The following SLC11A1 variants were observed in gnomAD, a reference collection of about 807,000 sequenced individuals.
SLC11A1 encodes solute carrier family 11 member 1, also known as natural resistance-associated macrophage protein 1.
A neutral mutation model predicts 63.2 loss-of-function variants in SLC11A1; 59 were observed. The observed-to-expected ratio is 0.93, with a 90% CI of 0.76 to 1.16. SLC11A1 has a LOEUF of 1.16. Ranked by LOEUF, SLC11A1 falls within the 50% of genes most tolerant of loss-of-function variation. The pLI is 0.00. For missense variants in SLC11A1, 688 were observed against 730.7 expected (o/e 0.94, Z 0.67); for synonymous variants, 305 against 307.8 (o/e 0.99, Z 0.09).
Position 218,387,970 on chromosome 2 carries a change from G to A in SLC11A1, c.795+15G>A, listed in dbSNP as rs1696205411. 6 of 1,584,420 alleles carry A rather than the reference G, an allele frequency of 3.8e-6. No individual in the cohort carries two copies. The highest frequency in any genetic ancestry group is 1.7e-4 in the Middle Eastern group (1 of 5,948). ...CCCTGGTCAAGGTGAGCAGAGGGGA[G>A]GGGAAAGGAGACCCCCTCACTCAGT... On this transcript the variant is annotated intron_variant, in intron 8 of 14. Coordinates refer to ENST00000233202, the MANE Select transcript of SLC11A1 (RefSeq NM_000578.4).
At chr2:218,392,123 G>A in intron 11 of SLC11A1, 1 of 394,450 alleles carries the variant, frequency 2.5e-6, no homozygotes, top group Non-Finnish European at 5.1e-6. Flanking sequence ...AGGCTGGAGT[G>A]CAATGGCGCG....
At chr2:218,394,459 G>T in intron 13 of SLC11A1, 173 bp from the exon 14 acceptor site, 1 of 763,562 alleles carries the variant, frequency 1.3e-6, no homozygotes, top group East Asian at 2.7e-5. Flanking sequence ...GTAGCCTGGA[G>T]GGCCCAGGAG....
In SLC11A1 at chr2:218,389,942, A is replaced by G; in HGVS notation, c.868A>G (p.Ile290Val). 1 of 1,614,120 alleles carries G rather than the reference A, an allele frequency of 6.2e-7. No homozygotes were observed. Among genetic ancestry groups the G allele is most frequent in the Non-Finnish European group, 8.5e-7 (1 of 1,180,018 alleles). Residue 290 changes from isoleucine (I) to valine (V), a missense_variant, in exon 9 of 15, where the codon ATC becomes GTC. Ile to Val is a conservative substitution (Grantham distance 29, BLOSUM62 3). Transcript: ENST00000233202. Reference protein sequence around the residue: ...ANMYFLIEATIALSVSFIINL... With the variant: ...ANMYFLIEATVALSVSFIINL... ...CATGTACTTCCTGATTGAGGCCACC[A>G]TCGCCCTGTCCGTCTCCTTTATCAT...
chr2:218,393,909 G>A (rs930128366), intron 12 of SLC11A1, among the ~76,000 whole-genome samples: 32 of 152,058 alleles, frequency 2.1e-4, no homozygotes, highest in African/African-American at 7.5e-4. Flanking sequence ...GATTCAAACC[G>A]AAGCAACCTG....
chr2:218,387,530 G>T (rs1247111239), intron 6 of SLC11A1, 35 bp from the exon 7 acceptor site: 6 of 1,606,914 alleles, frequency 3.7e-6, no homozygotes, highest in Middle Eastern at 1.7e-4. Context: ...GATTTTTTTC[G>T]TTGGTTTGTT....
intron 9 of SLC11A1, among the ~76,000 whole-genome samples, chr2:218,390,840 G>C (rs1335893044): frequency 2.0e-5 from 3 of 152,188 alleles, no homozygotes; most frequent in African/African-American, 7.2e-5. Flanking sequence ...GGGTTCTTAT[G>C]CCAGGCCTTC....
intron 14 of SLC11A1, 61 bp downstream of exon 14, chr2:218,394,846 G>A: frequency 1.2e-6 from 2 of 1,607,824 alleles, no homozygotes; most frequent in Non-Finnish European, 1.7e-6. Context: ...GGCAACCAAT[G>A]GGGAGGGTTT....
At chr2:218,387,978 G>C (rs1360519627) in intron 8 of SLC11A1, 23 bp downstream of exon 8, 1 of 1,576,766 alleles carries the variant, frequency 6.3e-7, no homozygotes, top group South Asian at 1.2e-5. Flanking sequence ...GAGGGGAAAG[G>C]AGACCCCCTC....
chr2:218,394,684 CTCT>C lies in SLC11A1; in HGVS notation c.1442_1444del (p.Leu481_Tyr482delinsHis). 6.2e-7 allele frequency: 1 copy of C among 1,614,100 alleles called. No homozygotes were observed. The highest frequency in any genetic ancestry group is 8.5e-7 in the Non-Finnish European group (1 of 1,180,024). ...CATGGTGCTAGTCTGCGCCATCAAC[CTCT>C]ACTTCGTGGTCAGCTATCTGCCCAG... On this transcript the variant is annotated inframe_deletion, in exon 14 of 15. Coordinates refer to ENST00000233202, the MANE Select transcript of SLC11A1 (RefSeq NM_000578.4).
intron 8 of SLC11A1, among the ~76,000 whole-genome samples, chr2:218,388,574 G>A (rs545915019): frequency 1.3e-5 from 2 of 151,536 alleles, no homozygotes; most frequent in Non-Finnish European, 2.9e-5. Context: ...CGGGCGGGCG[G>A]ATCACGAGGT....
At chr2:218,383,359 AG>A (rs988725939) in intron 2 of SLC11A1, 64 of 492,410 alleles carry the variant, frequency 1.3e-4, no homozygotes, top group Admixed American at 5.1e-4. Context: ...AAAGAGGCCC[AG>A]GGGGAATTGG....
intron 1 of SLC11A1, among the ~76,000 whole-genome samples, chr2:218,382,599 T>C (rs1007534936): frequency 6.6e-6 from 1 of 152,192 alleles, no homozygotes; most frequent in Non-Finnish European, 1.5e-5. Context: ...TTGTCTGAAG[T>C]CCGTGGATCA....
At position 218,396,159 on chromosome 2, in the gene SLC11A1, G is replaced by T. The variant is rs961480972; in HGVS notation, c.*1124G>T. The T allele has an allele frequency of 7.4e-6, 1 of 135,474 alleles. No individual in the cohort carries two copies. Among genetic ancestry groups the T allele is most frequent in the African/African-American group, 2.8e-5 (1 of 35,266 alleles). 8.4% of individuals were successfully genotyped at this position (135,474 alleles called of 1,614,324 possible). ...CTCCCCGCCAGGCGGAACGACGCGG[G>T]GAGGCGGGCGCTCGGGGCTCGCGCC... is the stretch of plus-strand genomic sequence containing the variant. On this transcript the variant is annotated 3_prime_UTR_variant, in exon 15 of 15. Transcript: ENST00000233202.
rs778752059 is a variant in SLC11A1, at chr2:218,393,091, G to C, written c.1275G>C (p.Ser425=). 1.3e-6 allele frequency: 2 copies of C among 1,594,766 alleles called. No homozygotes were observed. The highest frequency in any genetic ancestry group is 8.5e-7 in the Non-Finnish European group (1 of 1,175,400). Residue 425 remains serine (S), a synonymous_variant, in exon 12 of 15, where the codon TCG becomes TCC. Coordinates refer to ENST00000233202, the MANE Select transcript of SLC11A1 (RefSeq NM_000578.4). ...TCTTCCGGGACCTGAGGGACTTGTCGGGCCTCAATGATCTGCTCAACGTGC... is the reference window on the plus strand; with the variant it reads ...TCTTCCGGGACCTGAGGGACTTGTCCGGCCTCAATGATCTGCTCAACGTGC... ...VAVFRDLRDL[S]GLNDLLNVLQ...
At chr2:218,394,047 G>A (rs1297026739) in intron 12 of SLC11A1, 73 bp from the exon 13 acceptor site, 19 of 1,507,828 alleles carry the variant, frequency 1.3e-5, no homozygotes, top group African/African-American at 1.2e-4. Context: ...GTCAAGCCAC[G>A]CCCATCTTGC....
intron 11 of SLC11A1, chr2:218,391,920 G>A: frequency 3.7e-6 from 1 of 267,680 alleles, no homozygotes; most frequent in Non-Finnish European, 7.4e-6. Flanking sequence ...ACCGCACCCG[G>A]CCAATTTTTG....
Position 218,382,388 on chromosome 2 carries a change from C to A in SLC11A1, c.7+13C>A, listed in dbSNP as rs753293202. On this transcript the variant is annotated intron_variant, in intron 1 of 14. Coordinates refer to ENST00000233202, the MANE Select transcript of SLC11A1 (RefSeq NM_000578.4). ...ATTTCAATGACAGGTGAGTAGTGGC[C>A]CCTAGGGACAGAGCCTGATTGGGGG... The A allele has an allele frequency of 5.6e-6, 9 of 1,613,280 alleles. No individual in the cohort carries two copies. The highest frequency in any genetic ancestry group is 6.8e-6 in the Non-Finnish European group (8 of 1,179,506).
chr2:218,388,151 C>A, intron 8 of SLC11A1, 196 bp downstream of exon 8: 1 of 613,998 alleles, frequency 1.6e-6, no homozygotes, highest in East Asian at 3.0e-5. Flanking sequence ...GGGCGGATCA[C>A]GAGGTCAAGA....
Position 218,396,246 on chromosome 2 carries a change from C to T in SLC11A1, c.*1211C>T, listed in dbSNP as rs1036103183. ...GGAAGCTGTGTGGGCGGGGAGCCCC[C>T]TCTGCCTTAGGGAGCGGCTGGGCAC... On this transcript the variant is annotated 3_prime_UTR_variant, in exon 15 of 15. Coordinates refer to ENST00000233202, the MANE Select transcript of SLC11A1 (RefSeq NM_000578.4). 6.6e-6 allele frequency: 1 copy of T among 152,382 alleles called. No individual in the cohort carries two copies. Among genetic ancestry groups the T allele is most frequent in the African/African-American group, 2.4e-5 (1 of 41,480 alleles). The allele number at this position is 152,382 out of a possible 1,614,324, so 9.4% of individuals were successfully genotyped here.
Sources: gnomAD v4.1 joint callset for allele counts (sites outside exome capture counted in the v4.1 genomes callset) on GRCh38, gnomAD v4.1.1 for gene constraint, MANE v1.5 for transcripts, NCBI Gene and HGNC (gene_info 2026-07-23, HGNC 2026-07-21) for gene names.